The following PEDS1 variants were observed in gnomAD, a reference collection of about 807,000 sequenced individuals.
The protein encoded by PEDS1 is CarF homolog.
PEDS1 carries 14 observed loss-of-function variants against 35.2 expected under a neutral mutation model. The ratio of observed to expected loss-of-function variants is 0.40; its 90% CI spans 0.26 to 0.62. The LOEUF is 0.62. PEDS1 is among the 20% of genes least tolerant of loss of function. The pLI, the probability that PEDS1 is intolerant of heterozygous loss-of-function variation, is 0.44. For synonymous variants in PEDS1, 152 were observed against 152.0 expected, an observed-to-expected ratio of 1.00 and a Z score of 0.00; for missense variants, 260 against 367.8, an observed-to-expected ratio of 0.71 and a Z score of 2.40.
chr20:50,153,086 C>A (rs1385506022), intron 1 of PEDS1, among the ~76,000 whole-genome samples: 1 of 150,296 alleles, frequency 6.7e-6, no homozygotes, highest in Non-Finnish European at 1.5e-5. Flanking sequence ...CTGGGGAACC[C>A]AGGATGAGGT....
chr20:50,130,287 A>T (rs995989613), intron 3 of PEDS1, among the ~76,000 whole-genome samples: 1 of 152,224 alleles, frequency 6.6e-6, no homozygotes, highest in Non-Finnish European at 1.5e-5. Flanking sequence ...CTGGAAGGAG[A>T]AGGACAGTTC....
rs188965106 is a variant in PEDS1, at chr20:50,144,958, T to C, written c.122-1337A>G. On this transcript the variant is annotated intron_variant, in intron 1 of 5. Coordinates refer to ENST00000371652, the MANE Select transcript of PEDS1 (RefSeq NM_199129.4). ...TGGCTCACACCTGTAATCCCAGCAC[T>C]TTGGGAGGCCGAGGCAGGAGGATCA... Among the ~76,000 whole-genome samples the C allele has an allele frequency of 1.3e-3, 199 of 152,026 alleles. 1 individual carries two copies. The highest frequency in any genetic ancestry group is 4.6e-3 in the African/African-American group (191 of 41,486).
rs1449681979 is a variant in PEDS1, at chr20:50,122,534, C to T, written c.*2524G>A. The T allele has an allele frequency of 6.6e-6, 1 of 152,158 alleles. No homozygotes were observed. The highest frequency in any genetic ancestry group is 1.5e-5 in the Non-Finnish European group (1 of 68,058). 9.4% of individuals were successfully genotyped at this position (152,158 alleles called of 1,614,324 possible). On this transcript the variant is annotated 3_prime_UTR_variant, in exon 6 of 6. Transcript: ENST00000371652. ...CCTGGCCAACATGCTGAAACCCCAT[C>T]TCTACTAAAAATACGAAAATTAGCC...
chr20:50,147,600 T>C (rs1458710054), intron 1 of PEDS1, among the ~76,000 whole-genome samples: 1 of 152,228 alleles, frequency 6.6e-6, no homozygotes, highest in East Asian at 1.9e-4. Flanking sequence ...GCCTGGACGT[T>C]CGGGGCAGTC....
chr20:50,127,875 G>C (rs1024861123), intron 5 of PEDS1, 100 bp downstream of exon 5: 8 of 1,474,882 alleles, frequency 5.4e-6, no homozygotes, highest in Non-Finnish European at 5.5e-6. Flanking sequence ...AGAGGGCAAG[G>C]ACTGTGTGAC....
rs1478758664 is a variant in PEDS1 at position 50,153,650 on chromosome 20, G to C, written c.-13C>G. ...CGGCGCCCGCCATGGCCACTCGCCCGATCGGCCCGGTGCGCTCTGCTGGCG... is the reference window on the plus strand; with the variant it reads ...CGGCGCCCGCCATGGCCACTCGCCCCATCGGCCCGGTGCGCTCTGCTGGCG... On this transcript the variant is annotated 5_prime_UTR_variant, in exon 1 of 6. The change creates a new upstream start codon in the 5' untranslated region. Transcript: ENST00000371652. 16 of 1,240,324 alleles carry C rather than the reference G, an allele frequency of 1.3e-5. No individual in the cohort carries two copies. Among genetic ancestry groups the C allele is most frequent in the Non-Finnish European group, 1.4e-5 (14 of 990,792 alleles). The allele number at this position is 1,240,324 out of a possible 1,614,324, so 76.8% of individuals were successfully genotyped here.
At chr20:50,131,297 A>G (rs973120219) in intron 2 of PEDS1, among the ~76,000 whole-genome samples, 3 of 152,170 alleles carry the variant, frequency 2.0e-5, no homozygotes, top group African/African-American at 7.2e-5. Flanking sequence ...CTGGAACTGC[A>G]GCAATGTCCT....
At chr20:50,150,859 C>T (rs1045903572) in intron 1 of PEDS1, among the ~76,000 whole-genome samples, 2 of 152,080 alleles carry the variant, frequency 1.3e-5, no homozygotes, top group Non-Finnish European at 2.9e-5. Flanking sequence ...CCATGCCCAG[C>T]TAATTTCTGT....
Position 50,153,654 on chromosome 20 carries a change from G to A in PEDS1, c.-17C>T. ...GCCCGCCATGGCCACTCGCCCGATC[G>A]GCCCGGTGCGCTCTGCTGGCGGCGG... On this transcript the variant is annotated 5_prime_UTR_variant, in exon 1 of 6. Transcript: ENST00000371652. The A allele has an allele frequency of 1.6e-6, 2 of 1,225,972 alleles. No homozygotes were observed. Among genetic ancestry groups the A allele is most frequent in the Non-Finnish European group, 2.0e-6 (2 of 983,590 alleles). The allele number at this position is 1,225,972 out of a possible 1,614,324, so 75.9% of individuals were successfully genotyped here.
intron 2 of PEDS1, among the ~76,000 whole-genome samples, chr20:50,133,011 G>A (rs914101022): frequency 3.9e-4 from 60 of 152,094 alleles, no homozygotes; most frequent in African/African-American, 1.4e-3. Context: ...TCCCAGACTC[G>A]GTTTGTCTGT....
Position 50,129,681 on chromosome 20 carries a change from G to T in PEDS1, c.343C>A (p.Arg115=), listed in dbSNP as rs774930696. 2.8e-5 allele frequency: 45 copies of T among 1,613,930 alleles called. No homozygotes were observed. The highest frequency in any genetic ancestry group is 3.1e-5 in the Non-Finnish European group (37 of 1,180,006). The part of the protein sequence containing the change: ...ELPIVGKAFI[R]PFREHHIDPT... Reference sequence around the variant, plus strand: ...TCAATGTGGTGCTCCCGGAAGGGTCGGATGAAAGCCTGGAGTTGAGGGGGA... The same window carrying T: ...TCAATGTGGTGCTCCCGGAAGGGTCTGATGAAAGCCTGGAGTTGAGGGGGA... The change falls in exon 4 of 6, where the codon CGA becomes AGA. Residue 115 remains arginine (R), a synonymous_variant. Transcript: ENST00000371652. This position sits in a 1 kb window ranked among gnomAD's most constrained non-coding sequence, Gnocchi z 4.2.
rs763406788 is a variant in PEDS1, at chr20:50,129,705, G to A, written c.334-15C>T. The A allele has an allele frequency of 2.9e-5, 46 of 1,613,338 alleles. No individual in the cohort carries two copies. The South Asian group carries it at 4.8e-4, about 17-fold the overall frequency. The stretch of plus-strand genomic sequence containing the variant: ...CGGATGAAAGCCTGGAGTTGAGGGG[G>A]ACACAGCCCCAGCAGTCAGCCTAAG... On this transcript the variant is annotated splice_polypyrimidine_tract_variant and intron_variant, in intron 3 of 5. Coordinates refer to ENST00000371652, the MANE Select transcript of PEDS1 (RefSeq NM_199129.4). This position sits in a 1 kb window ranked among gnomAD's most constrained non-coding sequence, Gnocchi z 4.2.
At position 50,118,416 on chromosome 20, in the gene PEDS1, CT is replaced by C. The variant is rs1208290487; in HGVS notation, c.*6641del. The C allele has an allele frequency of 6.6e-6, 1 of 152,336 alleles. No homozygotes were observed. Among genetic ancestry groups the C allele is most frequent in the Admixed American group, 6.5e-5 (1 of 15,278 alleles). The allele number at this position is 152,336 out of a possible 1,614,324, so 9.4% of individuals were successfully genotyped here. A position where few individuals can be genotyped will look rare whatever the true frequency, so the allele number is the denominator to read the frequency against. The stretch of plus-strand genomic sequence containing the variant: ...ACTGAGACACAGAACGGTTAAGTAA[CT>C]TGCCCAAAGTCACAAGCTTGTAAGT... On this transcript the variant is annotated 3_prime_UTR_variant, in exon 6 of 6. Coordinates refer to ENST00000371652, the MANE Select transcript of PEDS1 (RefSeq NM_199129.4).
intron 5 of PEDS1, among the ~76,000 whole-genome samples, chr20:50,127,303 T>A (rs1026879347): frequency 6.6e-6 from 1 of 151,302 alleles, no homozygotes; most frequent in Non-Finnish European, 1.5e-5. Flanking sequence ...CCTCACTAGA[T>A]GGTGAGTGCC....
chr20:50,147,974 T>C (rs891439720), intron 1 of PEDS1, among the ~76,000 whole-genome samples: 2 of 152,084 alleles, frequency 1.3e-5, no homozygotes, highest in Non-Finnish European at 2.9e-5. Flanking sequence ...TGTAATCTCC[T>C]AGCTACTCGG....
At position 50,129,819 on chromosome 20, in the gene PEDS1, C is replaced by A. The variant is rs1440607923; in HGVS notation, c.334-129G>T. The A allele has an allele frequency of 2.8e-6, 4 of 1,430,540 alleles. No individual in the cohort carries two copies. The highest frequency in any genetic ancestry group is 1.4e-5 in the African/African-American group (1 of 70,606). The allele number at this position is 1,430,540 out of a possible 1,614,324, so 88.6% of individuals were successfully genotyped here. A position where few individuals can be genotyped will look rare whatever the true frequency, so the allele number is the denominator to read the frequency against. On this transcript the variant is annotated intron_variant, in intron 3 of 5. Transcript: ENST00000371652. This position sits in a 1 kb window ranked among gnomAD's most constrained non-coding sequence, Gnocchi z 4.2. ...TCCTAAGTTTCCTCCACCCGGGATG[C>A]TTGAACATTCCCACCTGGCCCACTG...
rs1306455086 is a variant in PEDS1 at position 50,124,382 on chromosome 20, A to G, written c.*676T>C. ...GGGATACCGTGTCCTCTTCCAAATG[A>G]CCAAGATGCTCTGCAGGGGCTGTGC... On this transcript the variant is annotated 3_prime_UTR_variant, in exon 6 of 6. Transcript: ENST00000371652. 1 of 152,404 alleles carries G rather than the reference A, an allele frequency of 6.6e-6. No homozygotes were observed. The highest frequency in any genetic ancestry group is 1.5e-5 in the Non-Finnish European group (1 of 68,032). 9.4% of individuals were successfully genotyped at this position (152,404 alleles called of 1,614,324 possible). A position where few individuals can be genotyped will look rare whatever the true frequency, so the allele number is the denominator to read the frequency against.
Position 50,122,244 on chromosome 20 carries a change from C to G in PEDS1, c.*2814G>C, listed in dbSNP as rs950300995. On this transcript the variant is annotated 3_prime_UTR_variant, in exon 6 of 6. Transcript: ENST00000371652. ...TAATTCAGAACACCTGTAGACTTTTCCGTTTTATGAGCTAATACGATTATT... is the reference window on the plus strand; with the variant it reads ...TAATTCAGAACACCTGTAGACTTTTGCGTTTTATGAGCTAATACGATTATT... The G allele has an allele frequency of 6.6e-6, 1 of 152,166 alleles. No homozygotes were observed. The highest frequency in any genetic ancestry group is 1.5e-5 in the Non-Finnish European group (1 of 68,036). 9.4% of individuals were successfully genotyped at this position (152,166 alleles called of 1,614,324 possible). A position where few individuals can be genotyped will look rare whatever the true frequency, so the allele number is the denominator to read the frequency against.
At position 50,119,788 on chromosome 20, in the gene PEDS1, A is replaced by G. The variant is rs2081035820; in HGVS notation, c.*5270T>C. ...TTTTCTCTGTAAAGGGCCAGATCGT[A>G]AATATTTTAGGCTGTGTGGACCACG... On this transcript the variant is annotated 3_prime_UTR_variant, in exon 6 of 6. Transcript: ENST00000371652. 1 of 152,202 alleles carries G rather than the reference A, an allele frequency of 6.6e-6. No individual in the cohort carries two copies. Among genetic ancestry groups the G allele is most frequent in the Non-Finnish European group, 1.5e-5 (1 of 68,040 alleles). 9.4% of individuals were successfully genotyped at this position (152,202 alleles called of 1,614,324 possible). A position where few individuals can be genotyped will look rare whatever the true frequency, so the allele number is the denominator to read the frequency against.
Sources: allele counts gnomAD v4.1 joint callset (sites outside exome capture counted in the v4.1 genomes callset), GRCh38; gene constraint gnomAD v4.1.1; non-coding constraint Gnocchi (gnomAD v3.1); transcripts MANE v1.5; gene names NCBI Gene and HGNC (gene_info 2026-07-23, HGNC 2026-07-21).